AHI1: variants seen among roughly 807,000 people sequenced by gnomAD.
AHI1 encodes the protein Abelson helper integration site 1.
A neutral mutation model predicts 149.3 loss-of-function variants in AHI1; 123 were observed. The observed-to-expected ratio is 0.82, with a 90% CI of 0.71 to 0.96. The LOEUF (loss-of-function observed/expected upper bound fraction) is 0.96, where lower values mean the gene tolerates loss of function less well. Among genes scored for constraint, AHI1 ranks in the 40% least tolerant of loss-of-function variants. The pLI, the probability that AHI1 is intolerant of heterozygous loss-of-function variation, is 0.00. For missense variants in AHI1, 1,439 were observed against 1,422.7 expected, an observed-to-expected ratio of 1.01 and a Z score of -0.18; for synonymous variants, 475 against 459.8, an observed-to-expected ratio of 1.03 and a Z score of -0.42.
intron 24 of AHI1, among the ~76,000 whole-genome samples, chr6:135,340,663 A>ATATATATATG: frequency 2.1e-5 from 2 of 95,742 alleles, no homozygotes; most frequent in South Asian, 5.6e-4. Flanking sequence ...ACATACATAT[A>ATATATATATG]TATATATATA....
chr6:135,404,166 A>G lies in AHI1; in HGVS notation c.2988+785T>C, dbSNP rs188837760. Among the ~76,000 whole-genome samples the G allele has an allele frequency of 1.2e-3, 188 of 152,298 alleles. 1 individual carries two copies. The highest frequency in any genetic ancestry group is 4.4e-3 in the African/African-American group (181 of 41,564). On this transcript the variant is annotated intron_variant, in intron 22 of 28. Coordinates refer to ENST00000265602, the MANE Select transcript of AHI1 (RefSeq NM_001134831.2). ...TTGTTAAATGAATAGACGTCTAATTATTCAACTGAATTTTGGGAGTGGACA... is the reference window on the plus strand; with the variant it reads ...TTGTTAAATGAATAGACGTCTAATTGTTCAACTGAATTTTGGGAGTGGACA...
chr6:135,285,935 C>A (rs978631416), intron 28 of AHI1, among the ~76,000 whole-genome samples: 5 of 152,132 alleles, frequency 3.3e-5, no homozygotes, highest in Admixed American at 6.5e-5. Context: ...CAAATATAGA[C>A]ACTAAAAACT....
chr6:135,451,696 T>C (rs1011729498), intron 11 of AHI1, among the ~76,000 whole-genome samples: 23 of 152,280 alleles, frequency 1.5e-4, no homozygotes, highest in African/African-American at 4.8e-4. Flanking sequence ...TACTTAGAGG[T>C]AGAAATGCCC....
intron 24 of AHI1, among the ~76,000 whole-genome samples, chr6:135,353,661 G>T (rs1222385379): frequency 2.0e-5 from 3 of 152,014 alleles, no homozygotes; most frequent in African/African-American, 7.2e-5. Context: ...CAGCTATTGA[G>T]TAAGTACAGA....
chr6:135,438,526 T>G (rs772261963), intron 14 of AHI1, 28 bp from the exon 15 acceptor site: 15 of 1,512,264 alleles, frequency 9.9e-6, no homozygotes, highest in Non-Finnish European at 1.3e-5. Context: ...AAATTAGGTT[T>G]CCAGACAGAA....
chr6:135,332,511 A>G (rs1189526196), intron 24 of AHI1, among the ~76,000 whole-genome samples: 2 of 152,250 alleles, frequency 1.3e-5, no homozygotes, highest in Non-Finnish European at 2.9e-5. Context: ...AAGCCATTGG[A>G]CTAAGCTCCT....
At chr6:135,443,598 T>C (rs1786677211) in intron 13 of AHI1, among the ~76,000 whole-genome samples, 1 of 152,180 alleles carries the variant, frequency 6.6e-6, no homozygotes, top group African/African-American at 2.4e-5. Context: ...CCTAGCTTAA[T>C]GGACCTACTC....
chr6:135,416,855 T>C (rs1782456360), intron 20 of AHI1, among the ~76,000 whole-genome samples: 1 of 152,104 alleles, frequency 6.6e-6, no homozygotes, highest in African/African-American at 2.4e-5. Flanking sequence ...AGGACCTGCT[T>C]ACACTCCACC....
chr6:135,492,524 T>A, intron 3 of AHI1: 1 of 1,134,062 alleles, frequency 8.8e-7, no homozygotes, highest in Non-Finnish European at 1.1e-6. Context: ...AGTATTTATA[T>A]ATTTGAAACA....
intron 11 of AHI1, among the ~76,000 whole-genome samples, chr6:135,450,213 C>G (rs1389282854): frequency 1.3e-5 from 2 of 152,022 alleles, no homozygotes; most frequent in Non-Finnish European, 2.9e-5. Context: ...GTCAAGAAAA[C>G]CAAGGTAACA....
In AHI1 at chr6:135,376,881, C is replaced by CAAAA. The variant is rs1167083326; in HGVS notation, c.3109+17891_3109+17894dup. On this transcript the variant is annotated intron_variant, in intron 23 of 28. Coordinates refer to ENST00000265602, the MANE Select transcript of AHI1 (RefSeq NM_001134831.2). The stretch of plus-strand genomic sequence containing the variant: ...TCGGTGACAGAGCGAGACTCCATCT[C>CAAAA]AAAAAAAAAAAAAAAAAAAAAAAAA... Among the ~76,000 whole-genome samples, 96 of 29,438 alleles carry CAAAA rather than the reference C, an allele frequency of 3.3e-3. 28 individuals carry two copies. The highest frequency in any genetic ancestry group is 0.013 in the African/African-American group (78 of 6,240). 19.3% of individuals were successfully genotyped at this position (29,438 alleles called of 152,430 possible).
rs1342091371 is a variant in AHI1, at chr6:135,490,608, T to C, written c.135+15A>G. On this transcript the variant is annotated intron_variant, in intron 5 of 28. Transcript: ENST00000265602. ...GCATATGTAAATCACTATTACCCAA[T>C]GATCATTTACTTACTGAGATGTTTT... The C allele has an allele frequency of 2.5e-6, 4 of 1,613,494 alleles. No homozygotes were observed. The highest frequency in any genetic ancestry group is 3.4e-6 in the Non-Finnish European group (4 of 1,179,668).
At chr6:135,297,311 A>G (rs58812259) in intron 27 of AHI1, 9,702 of 384,446 alleles carry the variant, frequency 0.025, 967 homozygotes, top group African/African-American at 0.19. Flanking sequence ...CAAGACACTA[A>G]TCAGTCAGTC....
In AHI1 at chr6:135,301,216, C is replaced by T. The variant is rs916168032; in HGVS notation, c.3427-658G>A. On this transcript the variant is annotated intron_variant, in intron 26 of 28. Transcript: ENST00000265602. ...AAATCAACCTAATGTTGCTATAAAA[C>T]GAATTGCAATTTTTTTTAGAGATAA... The T allele has an allele frequency of 1.0e-5, 10 of 984,256 alleles. No individual in the cohort carries two copies. In the East Asian group the frequency reaches 5.7e-4, roughly 56 times the overall value. The allele number at this position is 984,256 out of a possible 1,614,324, so 61.0% of individuals were successfully genotyped here. A position where few individuals can be genotyped will look rare whatever the true frequency, so the allele number is the denominator to read the frequency against.
intron 24 of AHI1, among the ~76,000 whole-genome samples, chr6:135,347,079 C>G (rs1280164668): frequency 6.6e-6 from 1 of 152,162 alleles, no homozygotes; most frequent in Admixed American, 6.5e-5. Flanking sequence ...GGAATGTTTT[C>G]CAAGAAATGT....
chr6:135,289,361 G>A (rs1462761063), intron 28 of AHI1, among the ~76,000 whole-genome samples: 13 of 151,886 alleles, frequency 8.6e-5, no homozygotes. Flanking sequence ...TGGGTGTGGT[G>A]ACACGTGCCT....
intron 23 of AHI1, among the ~76,000 whole-genome samples, chr6:135,379,919 TCCTC>T (rs1398662645): frequency 5.1e-5 from 7 of 136,428 alleles, no homozygotes; most frequent in African/African-American, 1.4e-4. Context: ...CTTCCTTCCT[TCCTC>T]CCTCCCTCCC....
chr6:135,467,490 G>T, intron 6 of AHI1, 91 bp downstream of exon 6: 2 of 1,043,916 alleles, frequency 1.9e-6, no homozygotes, highest in Non-Finnish European at 3.0e-6. Flanking sequence ...AAAACAGAAT[G>T]GACAAAAACC....
Position 135,463,268 on chromosome 6 carries a change from T to A in AHI1, c.788A>T (p.Gln263Leu). 5 of 1,610,742 alleles carry A rather than the reference T, an allele frequency of 3.1e-6. No homozygotes were observed. Among genetic ancestry groups the A allele is most frequent in the Non-Finnish European group, 4.2e-6 (5 of 1,179,440 alleles). ...TISGDTVEGE[Q>L]KKESSVRSVS... Reference sequence around the variant, plus strand: ...TGATCTAACTGAAGATTCTTTCTTTTGTTCACCTTCAACTGTGTCACCAGA... The same window carrying A: ...TGATCTAACTGAAGATTCTTTCTTTAGTTCACCTTCAACTGTGTCACCAGA... Residue 263 changes from glutamine to leucine, a missense_variant, in exon 8 of 29, where the codon CAA becomes CTA. Transcript: ENST00000265602.
Sources: allele counts gnomAD v4.1 joint callset (sites outside exome capture counted in the v4.1 genomes callset), GRCh38; gene constraint gnomAD v4.1.1; transcripts MANE v1.5; gene names NCBI Gene and HGNC (gene_info 2026-07-23, HGNC 2026-07-21).